The following FREM3 variants were observed in gnomAD, a reference collection of about 807,000 sequenced individuals.
FREM3 encodes the protein FRAS1 related extracellular matrix 3, also known as FRAS1-related extracellular matrix protein 3.
A neutral mutation model predicts 129.1 loss-of-function variants in FREM3; 105 were observed. The ratio of observed to expected loss-of-function variants is 0.81; its 90% CI spans 0.69 to 0.96. The LOEUF is 0.96. FREM3 is among the 40% of genes least tolerant of loss of function. The probability of loss-of-function intolerance (pLI) is 0.00; values close to 1 mark genes in which losing one functional copy is unlikely to be tolerated. For missense variants in FREM3, 2,593 were observed against 2,666.3 expected (o/e 0.97, Z 0.61); for synonymous variants, 1,014 against 1,044.9 (o/e 0.97, Z 0.57).
At chr4:143,603,357 C>G (rs538633154) in intron 6 of FREM3, among the ~76,000 whole-genome samples, 8 of 152,272 alleles carry the variant, frequency 5.3e-5, no homozygotes, top group African/African-American at 1.9e-4. Context: ...GAATATCTAA[C>G]CTTAAAATGA....
intron 6 of FREM3, among the ~76,000 whole-genome samples, chr4:143,609,739 A>G (rs751362692): frequency 6.6e-6 from 1 of 152,184 alleles, no homozygotes; most frequent in African/African-American, 2.4e-5. Context: ...TTTGCTCTTC[A>G]TATTAATCAA....
chr4:143,675,672 G>A (rs1211470004), intron 2 of FREM3, among the ~76,000 whole-genome samples: 1 of 151,652 alleles, frequency 6.6e-6, no homozygotes, highest in African/African-American at 2.4e-5. Flanking sequence ...AAAGAGAGAA[G>A]AATCAAACAG....
rs1312397680 is a variant in FREM3, at chr4:143,680,882, T to A, written c.5275+12231A>T. Reference sequence around the variant, plus strand: ...TGTCACTGTCCTGATAAATATTTTTTAAATCTCTTATTAATTTATTTTCAT... The same window carrying A: ...TGTCACTGTCCTGATAAATATTTTTAAAATCTCTTATTAATTTATTTTCAT... On this transcript the variant is annotated intron_variant, in intron 2 of 7. Coordinates refer to ENST00000329798, the MANE Select transcript of FREM3 (RefSeq NM_001168235.2). 3.3e-5 allele frequency among the ~76,000 whole-genome samples: 5 copies of A among 152,158 alleles called. No individual in the cohort carries two copies. In the South Asian group the frequency reaches 6.2e-4, roughly 19 times the overall value.
intron 2 of FREM3, among the ~76,000 whole-genome samples, chr4:143,677,014 A>G (rs1310885810): frequency 6.6e-6 from 1 of 152,290 alleles, no homozygotes; most frequent in South Asian, 2.1e-4. Flanking sequence ...GCTACCAATG[A>G]CTTTCTTCAC....
At chr4:143,685,768 C>A (rs1161883838) in intron 2 of FREM3, among the ~76,000 whole-genome samples, 1 of 152,028 alleles carries the variant, frequency 6.6e-6, no homozygotes, top group East Asian at 1.9e-4. Context: ...GAACAGAAAA[C>A]CAAACACAGC....
chr4:143,654,986 G>T (rs2149850009), intron 2 of FREM3, among the ~76,000 whole-genome samples: 1 of 152,272 alleles, frequency 6.6e-6, no homozygotes, highest in East Asian at 1.9e-4. Context: ...CGGCTGGCAG[G>T]AACAGTTGAA....
intron 2 of FREM3, among the ~76,000 whole-genome samples, chr4:143,660,508 C>G (rs1461286071): frequency 6.6e-6 from 1 of 152,124 alleles, no homozygotes. Context: ...AGTTTGAAGT[C>G]GAGTAGCGTG....
chr4:143,676,304 C>G (rs1272488538), intron 2 of FREM3, among the ~76,000 whole-genome samples: 1 of 152,174 alleles, frequency 6.6e-6, no homozygotes, highest in South Asian at 2.1e-4. Flanking sequence ...ATGATTATCT[C>G]AATAGATGCA....
Position 143,697,395 on chromosome 4 carries a change from T to C in FREM3, c.3281A>G (p.His1094Arg). 6.5e-7 allele frequency: 1 copy of C among 1,536,764 alleles called. No individual in the cohort carries two copies. Among genetic ancestry groups the C allele is most frequent in the Middle Eastern group, 1.7e-4 (1 of 5,992 alleles). The change falls in exon 1 of 8, where the codon CAT becomes CGT. Residue 1094 changes from histidine to arginine, a missense_variant. Physicochemically the swap from His to Arg is conservative, Grantham distance 29. Coordinates refer to ENST00000329798, the MANE Select transcript of FREM3 (RefSeq NM_001168235.2). ...TTGATGAGTGTCCACATCTTCAACA[T>C]GGAGATGTTGTAAGGTCAAGGAGTT... ...EKNSLTLQHL[H>R]VEDVDTHQDE...
At chr4:143,654,031 A>C (rs1216760794) in intron 2 of FREM3, among the ~76,000 whole-genome samples, 1 of 152,210 alleles carries the variant, frequency 6.6e-6, no homozygotes, top group Non-Finnish European at 1.5e-5. Context: ...TAGTTGAACT[A>C]ATACCTTTAG....
Position 143,677,052 on chromosome 4 carries a change from C to A in FREM3, c.5275+16061G>T, listed in dbSNP as rs904885638. Among the ~76,000 whole-genome samples the A allele has an allele frequency of 2.0e-5, 3 of 152,132 alleles. No homozygotes were observed. The East Asian group carries it at 5.8e-4, about 29-fold the overall frequency. On this transcript the variant is annotated intron_variant, in intron 2 of 7. Coordinates refer to ENST00000329798, the MANE Select transcript of FREM3 (RefSeq NM_001168235.2). ...AATTGGAAAAAACTACTTTAAAGTT[C>A]ATATGGAACCAAAAAAGAGCCCGCA...
intron 2 of FREM3, among the ~76,000 whole-genome samples, chr4:143,662,613 G>A (rs1488942775): frequency 6.6e-6 from 1 of 151,630 alleles, no homozygotes; most frequent in Non-Finnish European, 1.5e-5. Context: ...TTGGTGCAGA[G>A]CTGAGTTCAA....
At chr4:143,673,741 C>A (rs1188100503) in intron 2 of FREM3, among the ~76,000 whole-genome samples, 3 of 152,254 alleles carry the variant, frequency 2.0e-5, no homozygotes, top group African/African-American at 7.2e-5. Context: ...GGGCTCCACC[C>A]AGTTCAAGCT....
At chr4:143,629,531 A>G (rs780916141) in intron 2 of FREM3, among the ~76,000 whole-genome samples, 1 of 152,216 alleles carries the variant, frequency 6.6e-6, no homozygotes, top group Non-Finnish European at 1.5e-5. Flanking sequence ...ACAGAAAAAT[A>G]CAAGACAAAA....
intron 2 of FREM3, among the ~76,000 whole-genome samples, chr4:143,645,308 C>A (rs557250100): frequency 6.6e-6 from 1 of 152,284 alleles, no homozygotes; most frequent in East Asian, 1.9e-4. Context: ...ATTCAGGGTA[C>A]CTCTACTTGC....
intron 5 of FREM3, among the ~76,000 whole-genome samples, chr4:143,619,842 A>G (rs1201754442): frequency 6.6e-6 from 1 of 152,084 alleles, no homozygotes; most frequent in Non-Finnish European, 1.5e-5. Flanking sequence ...GTGCACCATC[A>G]GTGTTTACAA....
chr4:143,588,080 G>A (rs1336003638), intron 6 of FREM3, among the ~76,000 whole-genome samples: 1 of 152,116 alleles, frequency 6.6e-6, no homozygotes, highest in Non-Finnish European at 1.5e-5. Flanking sequence ...CCCACATTCA[G>A]ATTTTCCAGG....
In FREM3 at chr4:143,609,480, TA is replaced by T. The variant is rs34325536; in HGVS notation, c.6028+1798del. The stretch of plus-strand genomic sequence containing the variant: ...TGTGAAGTGGACTATGTAGAAAATG[TA>T]AAAAAAAAGTCTCCACTTCCGTAAC... On this transcript the variant is annotated intron_variant, in intron 6 of 7. Coordinates refer to ENST00000329798, the MANE Select transcript of FREM3 (RefSeq NM_001168235.2). Among the ~76,000 whole-genome samples, 17 of 151,412 alleles carry T rather than the reference TA, an allele frequency of 1.1e-4. No homozygotes were observed. The South Asian group carries it at 2.7e-3, about 24-fold the overall frequency.
Position 143,699,467 on chromosome 4 carries a change from C to T in FREM3, c.1209G>A (p.Gln403=). ...AENSHGERLF[Q]LELEVVDGDG... ...CTCCGTCCACCACCTCCAGCTCCAG[C>T]TGAAAGAGGCGCTCCCCATGGGAGT... Residue 403 remains glutamine, a synonymous_variant, in exon 1 of 8, where the codon CAG becomes CAA. Coordinates refer to ENST00000329798, the MANE Select transcript of FREM3 (RefSeq NM_001168235.2). The surrounding 1 kb of genome is among the most constrained non-coding windows in gnomAD (Gnocchi z 4.2). 2 of 1,537,314 alleles carry T rather than the reference C, an allele frequency of 1.3e-6. No individual in the cohort carries two copies. The highest frequency in any genetic ancestry group is 1.7e-6 in the Non-Finnish European group (2 of 1,146,922).
Sources: gnomAD v4.1 joint callset for allele counts (sites outside exome capture counted in the v4.1 genomes callset) on GRCh38, gnomAD v4.1.1 for gene constraint, Gnocchi (gnomAD v3.1) non-coding constraint, MANE v1.5 for transcripts, NCBI Gene and HGNC (gene_info 2026-07-23, HGNC 2026-07-21) for gene names.